The following MNAT1 variants were observed in gnomAD, a reference collection of about 807,000 sequenced individuals.
The protein encoded by MNAT1 is CDK-activating kinase assembly factor MAT1.
In MNAT1, 43 loss-of-function variants were observed where a neutral mutation model predicts 42.0. The observed-to-expected ratio is 1.02, with a 90% CI of 0.80 to 1.32. MNAT1 has a LOEUF of 1.32. Among genes scored for constraint, MNAT1 ranks in the 40% most tolerant of loss-of-function variants. The pLI, the probability that MNAT1 is intolerant of heterozygous loss-of-function variation, is 0.00. For synonymous variants in MNAT1, 118 were observed against 120.0 expected (o/e 0.98, Z 0.11); for missense variants, 306 against 350.4 (o/e 0.87, Z 1.01).
chr14:60,913,400 G>A (rs1032882584), intron 7 of MNAT1, among the ~76,000 whole-genome samples: 9 of 152,106 alleles, frequency 5.9e-5, no homozygotes, highest in African/African-American at 9.7e-5. Flanking sequence ...GAGGAGAGGC[G>A]CTCTGATTTT....
At chr14:60,779,810 A>G (rs868627431) in intron 1 of MNAT1, among the ~76,000 whole-genome samples, 29 of 152,226 alleles carry the variant, frequency 1.9e-4, no homozygotes, top group African/African-American at 6.3e-4. Context: ...AAAAAAGAAA[A>G]AAAAAAGAAG....
chr14:60,788,224 T>C (rs991785858), intron 1 of MNAT1, among the ~76,000 whole-genome samples: 5 of 152,162 alleles, frequency 3.3e-5, no homozygotes, highest in African/African-American at 1.2e-4. Flanking sequence ...AGGTCTTAGG[T>C]GACCAGATTC....
intron 7 of MNAT1, among the ~76,000 whole-genome samples, chr14:60,953,594 T>G (rs2036423455): frequency 6.6e-6 from 1 of 152,202 alleles, no homozygotes; most frequent in South Asian, 2.1e-4. Flanking sequence ...CACTTACACA[T>G]AATTGAATGT....
At chr14:60,938,869 C>G (rs1262716781) in intron 7 of MNAT1, among the ~76,000 whole-genome samples, 1 of 152,058 alleles carries the variant, frequency 6.6e-6, no homozygotes, top group Non-Finnish European at 1.5e-5. Context: ...TCCTGGACTT[C>G]TTTTTGTTGG....
intron 7 of MNAT1, among the ~76,000 whole-genome samples, chr14:60,903,706 A>G (rs1367403448): frequency 1.3e-5 from 2 of 152,148 alleles, no homozygotes; most frequent in African/African-American, 4.8e-5. Context: ...CAAAATTTCC[A>G]TGAGAGAATG....
intron 7 of MNAT1, among the ~76,000 whole-genome samples, chr14:60,882,645 G>A (rs545184248): frequency 6.6e-6 from 1 of 152,024 alleles, no homozygotes; most frequent in Admixed American, 6.6e-5. Context: ...TTTGTTTTTT[G>A]ACAAACCTCG....
intron 1 of MNAT1, among the ~76,000 whole-genome samples, chr14:60,742,941 A>T (rs991773575): frequency 1.3e-5 from 2 of 152,238 alleles, no homozygotes; most frequent in African/African-American, 4.8e-5. Context: ...GTTATGAATA[A>T]TGCTGCTGTG....
intron 1 of MNAT1, among the ~76,000 whole-genome samples, chr14:60,781,399 G>GA (rs554499990): frequency 2.3e-3 from 357 of 152,198 alleles, no homozygotes; most frequent in Admixed American, 7.4e-3. Flanking sequence ...TATGTATGAT[G>GA]AAAAAATTGT....
At chr14:60,812,406 C>T (rs1176985749) in intron 5 of MNAT1, among the ~76,000 whole-genome samples, 5 of 152,198 alleles carry the variant, frequency 3.3e-5, no homozygotes, top group Non-Finnish European at 5.9e-5. Flanking sequence ...ATTCTCAGGA[C>T]ACCTCTCCAT....
intron 6 of MNAT1, among the ~76,000 whole-genome samples, chr14:60,829,967 C>A (rs566177598): frequency 1.3e-5 from 2 of 151,872 alleles, no homozygotes; most frequent in Non-Finnish European, 2.9e-5. Context: ...GTTGGTGTTG[C>A]GGATATAGTA....
At chr14:60,877,773 T>C (rs1374299186) in intron 6 of MNAT1, among the ~76,000 whole-genome samples, 4 of 152,098 alleles carry the variant, frequency 2.6e-5, no homozygotes, top group Admixed American at 2.6e-4. Flanking sequence ...TGTAATGATA[T>C]ATACCTGAGT....
At chr14:60,891,845 G>C (rs907984513) in intron 7 of MNAT1, among the ~76,000 whole-genome samples, 1 of 151,904 alleles carries the variant, frequency 6.6e-6, no homozygotes, top group Non-Finnish European at 1.5e-5. Flanking sequence ...GGTATGGCTT[G>C]TTCTTGTTTT....
At chr14:60,848,804 T>G (rs2033746353) in intron 6 of MNAT1, among the ~76,000 whole-genome samples, 1 of 152,186 alleles carries the variant, frequency 6.6e-6, no homozygotes, top group South Asian at 2.1e-4. Context: ...TAAGATGTTT[T>G]CCTTTTGATA....
intron 1 of MNAT1, among the ~76,000 whole-genome samples, chr14:60,780,937 A>G (rs540560956): frequency 1.4e-3 from 216 of 152,336 alleles, no homozygotes; most frequent in African/African-American, 4.3e-3. Flanking sequence ...GTTTTGGTCA[A>G]GTAGCTTGAC....
chr14:60,758,042 A>T (rs1251352256), intron 1 of MNAT1, among the ~76,000 whole-genome samples: 1 of 152,134 alleles, frequency 6.6e-6, no homozygotes, highest in African/African-American at 2.4e-5. Flanking sequence ...ACCAACAAAT[A>T]TACCAGATAT....
chr14:60,953,022 G>T (rs1292905089), intron 7 of MNAT1, among the ~76,000 whole-genome samples: 1 of 151,980 alleles, frequency 6.6e-6, no homozygotes, highest in Non-Finnish European at 1.5e-5. Flanking sequence ...GAGAGGTGGA[G>T]GAAAATGTTG....
chr14:60,959,514 A>G (rs1007926662), intron 7 of MNAT1, among the ~76,000 whole-genome samples: 1 of 69,314 alleles, frequency 1.4e-5, no homozygotes, highest in African/African-American at 4.7e-5. Context: ...CCTGCTCTCC[A>G]TTGCCATGCC....
intron 7 of MNAT1, among the ~76,000 whole-genome samples, chr14:60,949,317 G>A (rs2036339206): frequency 6.6e-6 from 1 of 152,122 alleles, no homozygotes; most frequent in East Asian, 1.9e-4. Flanking sequence ...AGGATGACAG[G>A]TGGAAATAAT....
chr14:60,810,077 T>A (rs1280829469), intron 4 of MNAT1, among the ~76,000 whole-genome samples: 2 of 152,130 alleles, frequency 1.3e-5, no homozygotes, highest in Non-Finnish European at 2.9e-5. Context: ...TGGTAGGTTG[T>A]ATGTTTCTAG....
Sources: gnomAD v4.1 joint callset for allele counts (sites outside exome capture counted in the v4.1 genomes callset) on GRCh38, gnomAD v4.1.1 for gene constraint, MANE v1.5 for transcripts, NCBI Gene and HGNC (gene_info 2026-07-23, HGNC 2026-07-21) for gene names.